The following HCK variants were observed in gnomAD, a reference collection of about 807,000 sequenced individuals.
The protein encoded by HCK is HCK proto-oncogene, Src family tyrosine kinase.
A neutral mutation model predicts 70.4 loss-of-function variants in HCK; 40 were observed. The observed-to-expected ratio is 0.57, with a 90% CI of 0.44 to 0.74. The LOEUF is 0.74. Among genes scored for constraint, HCK ranks in the 30% least tolerant of loss-of-function variants. The probability of loss-of-function intolerance (pLI) is 0.00; values close to 1 mark genes in which losing one functional copy is unlikely to be tolerated. For missense variants in HCK, 568 were observed against 697.2 expected, an observed-to-expected ratio of 0.81 and a Z score of 2.09; for synonymous variants, 245 against 263.2, an observed-to-expected ratio of 0.93 and a Z score of 0.67.
intron 6 of HCK, among the ~76,000 whole-genome samples, chr20:32,082,637 GAC>G (rs200576977): frequency 6.6e-6 from 1 of 151,902 alleles, no homozygotes; most frequent in Admixed American, 6.6e-5. Flanking sequence ...GCGAGACTCT[GAC>G]ACACACACAC....
intron 1 of HCK, 110 bp downstream of exon 1, chr20:32,052,596 G>A: frequency 1.3e-6 from 1 of 796,540 alleles, no homozygotes; most frequent in Non-Finnish European, 1.7e-6. Context: ...GCTGGGGGCA[G>A]CGAGGGGAGA....
intron 1 of HCK, among the ~76,000 whole-genome samples, chr20:32,058,006 C>T (rs542739655): frequency 1.3e-5 from 2 of 152,190 alleles, no homozygotes; most frequent in Non-Finnish European, 2.9e-5. Flanking sequence ...ACTCTCCCTT[C>T]GAGTCACCTC....
rs71336559 is a variant in HCK, at chr20:32,099,350, C to CTTTTTTTTTTTTTTT, written c.1378+226_1378+240dup. On this transcript the variant is annotated intron_variant, in intron 12 of 12. Transcript: ENST00000375852. ...CCTTCCTTCTCTCTCACTCCTATGA[C>CTTTTTTTTTTTTTTT]TTTTTTTTTTTTTTTTTTTTTTTTT... Among the ~76,000 whole-genome samples, 14 of 85,172 alleles carry CTTTTTTTTTTTTTTT rather than the reference C, an allele frequency of 1.6e-4. 1 individual carries two copies. The highest frequency in any genetic ancestry group is 9.0e-4 in the African/African-American group (14 of 15,518). The allele number at this position is 85,172 out of a possible 152,430, so 55.9% of individuals were successfully genotyped here. A position where few individuals can be genotyped will look rare whatever the true frequency, so the allele number is the denominator to read the frequency against.
rs35827345 is a variant in HCK at position 32,066,303 on chromosome 20, C to CTTTTTT, written c.63-5336_63-5331dup. ...AATTGTCCATTGTGCCCTCCAGTGA[C>CTTTTTT]TTTTTTTTTTTTTTTTTTTTTTTTT... On this transcript the variant is annotated intron_variant, in intron 1 of 12. Coordinates refer to ENST00000375852, the MANE Select transcript of HCK (RefSeq NM_002110.5). Among the ~76,000 whole-genome samples, 2 of 46,226 alleles carry CTTTTTT rather than the reference C, an allele frequency of 4.3e-5. 1 individual carries two copies. The highest frequency in any genetic ancestry group is 9.1e-5 in the Non-Finnish European group (2 of 22,036). The allele number at this position is 46,226 out of a possible 152,430, so 30.3% of individuals were successfully genotyped here. A position where few individuals can be genotyped will look rare whatever the true frequency, so the allele number is the denominator to read the frequency against.
At chr20:32,089,425 G>A (rs1479000024) in intron 10 of HCK, among the ~76,000 whole-genome samples, 1 of 152,208 alleles carries the variant, frequency 6.6e-6, no homozygotes, top group Non-Finnish European at 1.5e-5. Context: ...TGCTAATTAT[G>A]GGGGATATAG....
At chr20:32,089,960 T>C (rs2045842583) in intron 10 of HCK, among the ~76,000 whole-genome samples, 2 of 152,110 alleles carry the variant, frequency 1.3e-5, no homozygotes, top group Admixed American at 6.5e-5. Context: ...TAGTGGGAGT[T>C]GAGTGAGACC....
At position 32,079,805 on chromosome 20, in the gene HCK, G is replaced by A. The variant is rs866857595; in HGVS notation, c.460G>A (p.Ala154Thr). Reference sequence around the variant, plus strand: ...TTTCAAGGGCATCAGCCGGAAGGACGCAGAGCGCCAACTGCTGGCTCCCGG... The same window carrying A: ...TTTCAAGGGCATCAGCCGGAAGGACACAGAGCGCCAACTGCTGGCTCCCGG... The change falls in exon 6 of 13, where the codon GCA becomes ACA. Residue 154 changes from alanine (A) to threonine (T), a missense_variant. Ala to Thr is a moderately conservative substitution (Grantham distance 58). Coordinates refer to ENST00000375852, the MANE Select transcript of HCK (RefSeq NM_002110.5). The A allele has an allele frequency of 5.6e-6, 9 of 1,613,890 alleles. No individual in the cohort carries two copies. Among genetic ancestry groups the A allele is most frequent in the African/African-American group, 2.7e-5 (2 of 74,916 alleles).
intron 5 of HCK, among the ~76,000 whole-genome samples, chr20:32,076,816 T>C (rs1030282403): frequency 1.3e-5 from 2 of 152,084 alleles, no homozygotes; most frequent in African/African-American, 4.8e-5. Flanking sequence ...CCAGGTGTGG[T>C]GGCTCACACC....
chr20:32,073,753 T>C lies in HCK; in HGVS notation c.264T>C (p.Asp88=). The change falls in exon 4 of 13, where the codon GAT becomes GAC. Residue 88 remains aspartate (D), a synonymous_variant. Coordinates refer to ENST00000375852, the MANE Select transcript of HCK (RefSeq NM_002110.5). ...ACATCATCGTGGTTGCCCTGTATGA[T>C]TACGAGGCCATTCACCACGAAGACC... 5 of 1,558,524 alleles carry C rather than the reference T, an allele frequency of 3.2e-6. No individual in the cohort carries two copies. Among genetic ancestry groups the C allele is most frequent in the Non-Finnish European group, 4.3e-6 (5 of 1,150,184 alleles).
At chr20:32,066,303 CTTTTTTTTTTT>C (rs35827345) in intron 1 of HCK, among the ~76,000 whole-genome samples, 34 of 46,226 alleles carry the variant, frequency 7.4e-4, no homozygotes, top group Non-Finnish European at 9.5e-4. Context: ...CCTCCAGTGA[CTTTTTTTTTTT>C]TTTTTTTTTT....
intron 1 of HCK, among the ~76,000 whole-genome samples, chr20:32,067,111 T>C (rs1013912750): frequency 1.3e-5 from 2 of 152,258 alleles, no homozygotes; most frequent in Non-Finnish European, 2.9e-5. Flanking sequence ...TGGTTTGATG[T>C]ACATGTTTGC....
At chr20:32,058,479 C>G (rs2045308283) in intron 1 of HCK, among the ~76,000 whole-genome samples, 2 of 148,712 alleles carry the variant, frequency 1.3e-5, no homozygotes, top group African/African-American at 2.5e-5. Flanking sequence ...TGCAGTGAGC[C>G]AAGGTCTTGC....
rs139422056 is a variant in HCK at position 32,095,721 on chromosome 20, A to G, written c.1246+1705A>G. Among the ~76,000 whole-genome samples the G allele has an allele frequency of 3.0e-3, 455 of 152,322 alleles. 1 individual carries two copies. Among genetic ancestry groups the G allele is most frequent in the Non-Finnish European group, 4.0e-3 (269 of 68,022 alleles). ...TTGTAAATATTCTGAAAGCCACGGAATTATACACTTTAAATGGGTGAAATG... is the reference window on the plus strand; with the variant it reads ...TTGTAAATATTCTGAAAGCCACGGAGTTATACACTTTAAATGGGTGAAATG... On this transcript the variant is annotated intron_variant, in intron 11 of 12. Transcript: ENST00000375852.
intron 5 of HCK, 112 bp from the exon 6 acceptor site, chr20:32,079,662 C>A (rs927044957): frequency 2.9e-6 from 2 of 678,396 alleles, no homozygotes; most frequent in African/African-American, 1.8e-5. Flanking sequence ...GGAAGCCAGA[C>A]CCTCTGTATC....
rs1047129276 is a variant in HCK at position 32,101,568 on chromosome 20, G to C, written c.*49G>C. 2.6e-6 allele frequency: 4 copies of C among 1,518,652 alleles called. No individual in the cohort carries two copies. The highest frequency in any genetic ancestry group is 3.6e-6 in the Non-Finnish European group (4 of 1,109,938). 94.1% of individuals were successfully genotyped at this position (1,518,652 alleles called of 1,614,324 possible). ...GGGGGTGCCCAGGTGGTGGCTGCAA[G>C]GTGGCTCCAGCACCATCCGCCAGGG... is the stretch of plus-strand genomic sequence containing the variant. On this transcript the variant is annotated 3_prime_UTR_variant, in exon 13 of 13. Transcript: ENST00000375852.
intron 10 of HCK, among the ~76,000 whole-genome samples, chr20:32,091,538 A>G (rs1008210722): frequency 3.9e-5 from 6 of 152,204 alleles, no homozygotes; most frequent in Non-Finnish European, 8.8e-5. Context: ...AACTTTTGTT[A>G]ACTGTTCATC....
intron 1 of HCK, among the ~76,000 whole-genome samples, chr20:32,059,283 C>CCTT (rs1252341918): frequency 2.0e-5 from 3 of 148,264 alleles, no homozygotes; most frequent in Non-Finnish European, 4.5e-5. Context: ...TTTTAATCTT[C>CCTT]CTTCCTTCCT....
chr20:32,086,356 A>G (rs2045786439), intron 8 of HCK, among the ~76,000 whole-genome samples: 1 of 152,198 alleles, frequency 6.6e-6, no homozygotes, highest in African/African-American at 2.4e-5. Flanking sequence ...GGCAAAGCTT[A>G]CCATTTCCAC....
Position 32,099,143 on chromosome 20 carries a change from A to G in HCK, c.1378+8A>G, listed in dbSNP as rs1381566719. On this transcript the variant is annotated splice_region_variant and intron_variant, in intron 12 of 12. Transcript: ENST00000375852. ...GCCGGATCCCTTACCCAGGTAGGGAAGGGGCATCAGCTCAGGGCTGCTACC... is the reference window on the plus strand; with the variant it reads ...GCCGGATCCCTTACCCAGGTAGGGAGGGGGCATCAGCTCAGGGCTGCTACC... 2.5e-6 allele frequency: 4 copies of G among 1,613,662 alleles called. No individual in the cohort carries two copies. Among genetic ancestry groups the G allele is most frequent in the Middle Eastern group, 3.3e-4 (2 of 6,056 alleles).
Sources: allele counts gnomAD v4.1 joint callset (sites outside exome capture counted in the v4.1 genomes callset), GRCh38; gene constraint gnomAD v4.1.1; transcripts MANE v1.5; gene names NCBI Gene and HGNC (gene_info 2026-07-23, HGNC 2026-07-21).